Variants in ARPC3 observed in about 807,000 individuals in gnomAD.
The protein encoded by ARPC3 is actin related protein 2/3 complex subunit 3.
Under a neutral mutation model 27.6 loss-of-function variants are expected in ARPC3, and 12 were observed. That is an observed-to-expected ratio of 0.43 (90% CI 0.28 to 0.70). ARPC3 has a LOEUF of 0.70. Ranked by LOEUF, ARPC3 falls within the 30% of genes least tolerant of loss-of-function variation. The probability of loss-of-function intolerance (pLI) is 0.17; values close to 1 mark genes in which losing one functional copy is unlikely to be tolerated. For synonymous variants in ARPC3, 53 were observed against 67.2 expected (o/e 0.79, Z 1.03); for missense variants, 153 against 207.7 (o/e 0.74, Z 1.62).
intron 4 of ARPC3, 33 bp downstream of exon 4, chr12:110,437,051 T>C (rs1292261019): frequency 4.8e-6 from 7 of 1,448,376 alleles, no homozygotes; most frequent in Non-Finnish European, 6.8e-6. Context: ...AGCAATTTGT[T>C]TTCCTGATAT....
chr12:110,440,294 A>T lies in ARPC3; in HGVS notation c.183+18T>A. ...CTATGAGAAAACTAAGTTAAATATT[A>T]AAAGCTCCGTAATTTACCTTAATTT... On this transcript the variant is annotated intron_variant, in intron 3 of 6. Transcript: ENST00000228825. 2 of 1,553,564 alleles carry T rather than the reference A, an allele frequency of 1.3e-6. No individual in the cohort carries two copies. Among genetic ancestry groups the T allele is most frequent in the Non-Finnish European group, 1.8e-6 (2 of 1,126,084 alleles).
chr12:110,448,779 G>C (rs1280971078), intron 1 of ARPC3, among the ~76,000 whole-genome samples: 5 of 28,268 alleles, frequency 1.8e-4, no homozygotes, highest in African/African-American at 3.2e-4. Flanking sequence ...CTTTTTTTCC[G>C]GGGGGGGGGG....
At chr12:110,447,886 CTT>C (rs796202139) in intron 1 of ARPC3, among the ~76,000 whole-genome samples, 4 of 107,194 alleles carry the variant, frequency 3.7e-5, no homozygotes, top group Non-Finnish European at 5.7e-5. Context: ...ATTTAGAGTC[CTT>C]TTTTTTTTTT....
intron 2 of ARPC3, among the ~76,000 whole-genome samples, chr12:110,444,094 C>T (rs1462842275): frequency 6.6e-6 from 1 of 151,156 alleles, no homozygotes; most frequent in Non-Finnish European, 1.5e-5. Context: ...CTCAGTCTCC[C>T]AAGTAGTTGG....
intron 1 of ARPC3, among the ~76,000 whole-genome samples, chr12:110,448,742 C>T (rs2062479290): frequency 7.0e-6 from 1 of 142,496 alleles, no homozygotes; most frequent in Non-Finnish European, 1.5e-5. Flanking sequence ...TTCCCTCTCA[C>T]CAACTGTCTT....
intron 2 of ARPC3, among the ~76,000 whole-genome samples, chr12:110,443,399 T>A (rs1326747203): frequency 2.0e-5 from 3 of 151,922 alleles, no homozygotes; most frequent in African/African-American, 7.3e-5. Context: ...GTACTGGGAT[T>A]ACAGGCGTGA....
At chr12:110,439,883 G>GAATA (rs1228980697) in intron 3 of ARPC3, among the ~76,000 whole-genome samples, 9 of 152,094 alleles carry the variant, frequency 5.9e-5, no homozygotes, top group Non-Finnish European at 1.2e-4. Context: ...AACTAATGTT[G>GAATA]AATAAATAAA....
intron 1 of ARPC3, among the ~76,000 whole-genome samples, chr12:110,446,720 T>C (rs1365265664): frequency 6.6e-6 from 1 of 151,822 alleles, no homozygotes; most frequent in African/African-American, 2.4e-5. Context: ...GCGATTCTCC[T>C]GCCCCAGCCT....
intron 1 of ARPC3, among the ~76,000 whole-genome samples, chr12:110,446,517 G>A (rs1235266566): frequency 3.3e-5 from 5 of 150,434 alleles, no homozygotes; most frequent in African/African-American, 1.2e-4. Flanking sequence ...GGCTGGTCTC[G>A]AACTCCCGAC....
At chr12:110,449,433 G>A (rs2062486895) in intron 1 of ARPC3, among the ~76,000 whole-genome samples, 3 of 151,906 alleles carry the variant, frequency 2.0e-5, no homozygotes, top group Admixed American at 2.0e-4. Flanking sequence ...GTGGTGGCGC[G>A]CGCCTGTAAT....
At chr12:110,436,727 CA>C in intron 4 of ARPC3, 44 bp from the exon 5 acceptor site, 1 of 1,020,532 alleles carries the variant, frequency 9.8e-7, no homozygotes. Flanking sequence ...CACACACACA[CA>C]CACACACACA....
intron 4 of ARPC3, 65 bp from the exon 5 acceptor site, chr12:110,436,748 AC>A: frequency 8.8e-7 from 1 of 1,132,780 alleles, no homozygotes; most frequent in Non-Finnish European, 1.3e-6. Flanking sequence ...ACACACACAC[AC>A]ACACATATTT....
At chr12:110,437,436 C>T in intron 3 of ARPC3, 1 of 355,456 alleles carries the variant, frequency 2.8e-6, no homozygotes, top group Non-Finnish European at 5.3e-6. Context: ...GGCACAATCT[C>T]AGCTCACTGC....
intron 1 of ARPC3, among the ~76,000 whole-genome samples, chr12:110,446,988 C>G (rs1299975160): frequency 6.6e-6 from 1 of 152,182 alleles, no homozygotes; most frequent in Non-Finnish European, 1.5e-5. Context: ...TAATGGGGTG[C>G]TGCTGTGCAT....
chr12:110,434,905 A>T lies in ARPC3; in HGVS notation c.*250T>A. The T allele has an allele frequency of 1.5e-6, 1 of 653,270 alleles. No homozygotes were observed. The allele number at this position is 653,270 out of a possible 1,614,324, so 40.5% of individuals were successfully genotyped here. ...GGCAATAAAGTTTTTCTGACATGGA[A>T]TGTTAGAAATTTCTTTATTATTACT... On this transcript the variant is annotated 3_prime_UTR_variant, in exon 7 of 7. Transcript: ENST00000228825.
chr12:110,447,915 C>CA (rs1312788579), intron 1 of ARPC3, among the ~76,000 whole-genome samples: 2 of 112,290 alleles, frequency 1.8e-5, no homozygotes, highest in Admixed American at 2.4e-4. Flanking sequence ...TTTTTGGAGA[C>CA]AGAGTTTCCT....
chr12:110,442,062 T>G (rs961688920), intron 2 of ARPC3, among the ~76,000 whole-genome samples: 2 of 150,252 alleles, frequency 1.3e-5, no homozygotes, highest in African/African-American at 4.9e-5. Flanking sequence ...TTTTTAGAGA[T>G]GCAGTCTCAC....
At chr12:110,437,191 A>T (rs1217484128) in intron 3 of ARPC3, 39 bp from the exon 4 acceptor site, 1 of 1,350,858 alleles carries the variant, frequency 7.4e-7, no homozygotes, top group East Asian at 2.3e-5. Context: ...CAGTTATCAA[A>T]ACATAACAAT....
chr12:110,444,136 ATTGT>A (rs1395054625), intron 2 of ARPC3, among the ~76,000 whole-genome samples: 16 of 151,688 alleles, frequency 1.1e-4, no homozygotes, highest in African/African-American at 3.9e-4. Context: ...TGCCCGGCTG[ATTGT>A]TTGTATTTTT....
Sources: gnomAD v4.1 joint callset for allele counts (sites outside exome capture counted in the v4.1 genomes callset) on GRCh38, gnomAD v4.1.1 for gene constraint, MANE v1.5 for transcripts, NCBI Gene and HGNC (gene_info 2026-07-23, HGNC 2026-07-21) for gene names.